Variants in TMEM45B observed in about 807,000 individuals in gnomAD.
The protein encoded by TMEM45B is transmembrane protein 45B.
A neutral mutation model predicts 27.3 loss-of-function variants in TMEM45B; 29 were observed. The ratio of observed to expected loss-of-function variants is 1.06; its 90% CI spans 0.79 to 1.45. The LOEUF (loss-of-function observed/expected upper bound fraction) is 1.45. Ranked by LOEUF, TMEM45B falls within the 40% of genes most tolerant of loss-of-function variation. The pLI is 0.00. For missense variants in TMEM45B, 348 were observed against 343.9 expected, an observed-to-expected ratio of 1.01 and a Z score of -0.09; for synonymous variants, 143 against 134.7, an observed-to-expected ratio of 1.06 and a Z score of -0.43.
chr11:129,829,723 C>A (rs1043552672), intron 1 of TMEM45B, among the ~76,000 whole-genome samples: 1 of 152,214 alleles, frequency 6.6e-6, no homozygotes, highest in African/African-American at 2.4e-5. Context: ...TTCCTCCAGG[C>A]TGAATAGGAA....
Position 129,854,539 on chromosome 11 carries a change from G to C in TMEM45B, c.179-71G>C, listed in dbSNP as rs76610870. 1.3e-3 allele frequency: 1,892 copies of C among 1,506,806 alleles called. 24 individuals are homozygous for C. The African/African-American group carries it at 0.024, about 19-fold the overall frequency. The allele number at this position is 1,506,806 out of a possible 1,614,324, so 93.3% of individuals were successfully genotyped here. A position where few individuals can be genotyped will look rare whatever the true frequency, so the allele number is the denominator to read the frequency against. On this transcript the variant is annotated intron_variant, in intron 2 of 5. Transcript: ENST00000281441. ...CATCTCCGCTTCGCTCATGCCTTTG[G>C]GTTATTCCTTGCTCCTATTTGTCTT...
intron 1 of TMEM45B, among the ~76,000 whole-genome samples, chr11:129,825,761 G>A (rs887696145): frequency 4.6e-5 from 7 of 152,298 alleles, no homozygotes; most frequent in Admixed American, 3.9e-4. Flanking sequence ...CTGTCTGTAA[G>A]CTTGAGCACT....
intron 1 of TMEM45B, among the ~76,000 whole-genome samples, chr11:129,851,318 C>G (rs1162213615): frequency 6.6e-6 from 1 of 151,874 alleles, no homozygotes; most frequent in Admixed American, 6.6e-5. Flanking sequence ...CCGAGGTGGG[C>G]AGATCACCTA....
chr11:129,857,647 G>A (rs1403433854), intron 5 of TMEM45B, among the ~76,000 whole-genome samples, 189 bp downstream of exon 5: 1 of 152,092 alleles, frequency 6.6e-6, no homozygotes, highest in Non-Finnish European at 1.5e-5. Flanking sequence ...ATGACCTGAG[G>A]GCTTTTCAAA....
At position 129,857,440 on chromosome 11, in the gene TMEM45B, A is replaced by G. The variant is rs1947946291; in HGVS notation, c.698A>G (p.Asn233Ser). Residue 233 changes from asparagine to serine, a missense_variant, in exon 5 of 6, where the codon AAC becomes AGC. Coordinates refer to ENST00000281441, the MANE Select transcript of TMEM45B (RefSeq NM_138788.5). ...YLAALSIVAVNYSLVYCLLTR... is the reference protein window; with the variant it reads ...YLAALSIVAVSYSLVYCLLTR... ...GCTGCCCTCAGCATTGTGGCCGTCA[A>G]CTATTCTCTTGTTTACTGGTATGTC... The G allele has an allele frequency of 2.5e-6, 4 of 1,614,194 alleles. No homozygotes were observed. Among genetic ancestry groups the G allele is most frequent in the Middle Eastern group, 1.6e-4 (1 of 6,062 alleles).
intron 4 of TMEM45B, 107 bp downstream of exon 4, chr11:129,855,999 T>A: frequency 7.5e-7 from 1 of 1,327,542 alleles, no homozygotes; most frequent in Non-Finnish European, 1.0e-6. Flanking sequence ...AATGCAGCAT[T>A]AACATGCCAT....
chr11:129,827,213 A>T (rs552626289), intron 1 of TMEM45B: 53 of 152,374 alleles, frequency 3.5e-4, no homozygotes, highest in African/African-American at 1.2e-3. Flanking sequence ...GTGCTTAACG[A>T]CAGGGACATG....
chr11:129,834,818 A>C (rs1947600156), intron 1 of TMEM45B, among the ~76,000 whole-genome samples: 1 of 81,954 alleles, frequency 1.2e-5, no homozygotes, highest in Admixed American at 1.2e-4. Flanking sequence ...CTCCACAAAA[A>C]AAAAAAAAAA....
At chr11:129,842,060 G>A (rs1453099881) in intron 1 of TMEM45B, among the ~76,000 whole-genome samples, 1 of 152,158 alleles carries the variant, frequency 6.6e-6, no homozygotes, top group East Asian at 1.9e-4. Context: ...GGGCTCAATA[G>A]CAGATTTTGA....
At chr11:129,852,172 T>C (rs1947855685) in intron 1 of TMEM45B, among the ~76,000 whole-genome samples, 1 of 152,216 alleles carries the variant, frequency 6.6e-6, no homozygotes, top group Admixed American at 6.5e-5. Flanking sequence ...TGTTTATGGC[T>C]TGGAAGTTTT....
intron 1 of TMEM45B, among the ~76,000 whole-genome samples, chr11:129,841,658 G>A (rs1320249973): frequency 2.0e-5 from 3 of 146,386 alleles, no homozygotes; most frequent in Non-Finnish European, 3.0e-5. Context: ...GTGCAGTGAC[G>A]TGATCTCAGC....
chr11:129,854,504 C>A, intron 2 of TMEM45B, 106 bp from the exon 3 acceptor site: 2 of 1,162,428 alleles, frequency 1.7e-6, no homozygotes, highest in South Asian at 1.4e-5. Context: ...GGGCCACCCT[C>A]ACCTCACCCC....
At chr11:129,829,145 A>G (rs1481793047) in intron 1 of TMEM45B, among the ~76,000 whole-genome samples, 1 of 152,248 alleles carries the variant, frequency 6.6e-6, no homozygotes, top group East Asian at 1.9e-4. Flanking sequence ...AGGTCTTACC[A>G]GTAAAAGTGG....
At chr11:129,845,676 C>T (rs971373036) in intron 1 of TMEM45B, among the ~76,000 whole-genome samples, 5 of 152,058 alleles carry the variant, frequency 3.3e-5, no homozygotes, top group Non-Finnish European at 7.4e-5. Context: ...TATAACCACA[C>T]CAATAATTAC....
chr11:129,858,531 G>T, intron 5 of TMEM45B, 43 bp from the exon 6 acceptor site: 1 of 1,426,630 alleles, frequency 7.0e-7, no homozygotes, highest in South Asian at 1.2e-5. Flanking sequence ...AATGGATTAA[G>T]GGAATCTCTG....
intron 1 of TMEM45B, among the ~76,000 whole-genome samples, chr11:129,836,762 T>C (rs189090215): frequency 2.0e-5 from 3 of 152,220 alleles, no homozygotes; most frequent in Admixed American, 2.0e-4. Context: ...ATCTGCCCAG[T>C]GTGTGGTACT....
chr11:129,828,287 C>T (rs1325774659), intron 1 of TMEM45B: 1 of 152,182 alleles, frequency 6.6e-6, no homozygotes, highest in African/African-American at 2.4e-5. Context: ...AATTGTATTC[C>T]ATATCATGGT....
At chr11:129,838,720 C>T (rs182000418) in intron 1 of TMEM45B, among the ~76,000 whole-genome samples, 19 of 152,300 alleles carry the variant, frequency 1.2e-4, no homozygotes, top group African/African-American at 4.6e-4. Flanking sequence ...CACTGGGAGA[C>T]ATTTGCTTTA....
At chr11:129,833,613 A>G (rs1947580767) in intron 1 of TMEM45B, among the ~76,000 whole-genome samples, 1 of 152,020 alleles carries the variant, frequency 6.6e-6, no homozygotes, top group Non-Finnish European at 1.5e-5. Flanking sequence ...CGTCTCTACT[A>G]AAAATACAAA....
Sources: gnomAD v4.1 joint callset for allele counts (sites outside exome capture counted in the v4.1 genomes callset) on GRCh38, gnomAD v4.1.1 for gene constraint, MANE v1.5 for transcripts, NCBI Gene and HGNC (gene_info 2026-07-23, HGNC 2026-07-21) for gene names.